DLGAP4: variants seen among roughly 807,000 people sequenced by gnomAD.
DLGAP4 encodes the protein disks large-associated protein 4.
In DLGAP4, 18 loss-of-function variants were observed where a neutral mutation model predicts 86.9. That is an observed-to-expected ratio of 0.21 (90% CI 0.14 to 0.31). The LOEUF is 0.31. Among genes scored for constraint, DLGAP4 ranks in the 10% least tolerant of loss-of-function variants. The probability of loss-of-function intolerance (pLI) is 1.00; values close to 1 mark genes in which losing one functional copy is unlikely to be tolerated. For synonymous variants in DLGAP4, 548 were observed against 574.3 expected (o/e 0.95, Z 0.65); for missense variants, 1,085 against 1,362.6 (o/e 0.80, Z 3.21).
chr20:36,460,850 G>T (rs966749915), intron 7 of DLGAP4, among the ~76,000 whole-genome samples: 2 of 152,230 alleles, frequency 1.3e-5, no homozygotes, highest in African/African-American at 4.8e-5. Context: ...GAAGGCTCAG[G>T]GAAGTTGAAT....
intron 1 of DLGAP4, among the ~76,000 whole-genome samples, chr20:36,357,098 A>G (rs549395930): frequency 3.1e-4 from 47 of 152,252 alleles, no homozygotes; most frequent in African/African-American, 1.1e-3. Flanking sequence ...CATTGCTCCC[A>G]GGGTAAAGGC....
intron 8 of DLGAP4, chr20:36,499,043 C>T: frequency 1.8e-6 from 1 of 568,042 alleles, no homozygotes; most frequent in East Asian, 3.0e-5. Flanking sequence ...TCTAGAACTG[C>T]CGTCCAGGGT....
intron 10 of DLGAP4, among the ~76,000 whole-genome samples, chr20:36,507,409 G>A (rs995227804): frequency 6.6e-6 from 1 of 152,008 alleles, no homozygotes; most frequent in African/African-American, 2.4e-5. Flanking sequence ...TGTATTTTTA[G>A]TAGAGACAGG....
At chr20:36,310,177 AAAAAAAGAAAGAAAGAAAGAAAGAAAG>A (rs1263349280) in intron 1 of DLGAP4, among the ~76,000 whole-genome samples, 1 of 103,724 alleles carries the variant, frequency 9.6e-6, no homozygotes, top group East Asian at 2.3e-4. Flanking sequence ...CTACAAAAAA[AAAAAAAGAAAGAAAGAAAGAAAGAAAG>A]AAAGAAAGAA....
chr20:36,418,333 G>C (rs910531328), intron 2 of DLGAP4, among the ~76,000 whole-genome samples: 1 of 144,382 alleles, frequency 6.9e-6, no homozygotes, highest in Non-Finnish European at 1.5e-5. Context: ...GGCTAGTCTC[G>C]AATTCCTGAC....
At chr20:36,452,519 T>TC (rs1283555971) in intron 7 of DLGAP4, among the ~76,000 whole-genome samples, 1 of 144,150 alleles carries the variant, frequency 6.9e-6, no homozygotes, top group Non-Finnish European at 1.5e-5. Flanking sequence ...TTGTAAATCT[T>TC]TTTTTTTTTT....
At chr20:36,486,388 C>T (rs1166404354) in intron 7 of DLGAP4, among the ~76,000 whole-genome samples, 1 of 152,158 alleles carries the variant, frequency 6.6e-6, no homozygotes, top group Non-Finnish European at 1.5e-5. Context: ...GCTACTTGAG[C>T]TGGACCTAAA....
chr20:36,397,985 G>A (rs1283987185), intron 2 of DLGAP4, among the ~76,000 whole-genome samples: 2 of 152,330 alleles, frequency 1.3e-5, no homozygotes, highest in Admixed American at 6.5e-5. Flanking sequence ...GCCAGATGTG[G>A]TGGCGGGCGC....
In DLGAP4 at chr20:36,306,778, G is replaced by A. The variant is rs2065006849; in HGVS notation, c.-304+266G>A. 6.6e-6 allele frequency among the ~76,000 whole-genome samples: 1 copy of A among 152,144 alleles called. No homozygotes were observed. The highest frequency in any genetic ancestry group is 6.5e-5 in the Admixed American group (1 of 15,290). On this transcript the variant is annotated intron_variant, in intron 1 of 12. Transcript: ENST00000339266. This position sits in a 1 kb window ranked among gnomAD's most constrained non-coding sequence, Gnocchi z 4.9. ...CCCGGACCCTCAAATCGGGGGCGGC[G>A]GCACCGGGGCCCGGAACCCCTGTCC... is the stretch of plus-strand genomic sequence containing the variant.
At chr20:36,512,435 T>C (rs1335992629) in intron 10 of DLGAP4, among the ~76,000 whole-genome samples, 1 of 152,202 alleles carries the variant, frequency 6.6e-6, no homozygotes, top group Non-Finnish European at 1.5e-5. Flanking sequence ...TCCATATCTC[T>C]ACCTTGTCCT....
intron 1 of DLGAP4, among the ~76,000 whole-genome samples, chr20:36,331,531 G>C (rs1555891556): frequency 6.6e-6 from 1 of 152,228 alleles, no homozygotes; most frequent in Non-Finnish European, 1.5e-5. Flanking sequence ...CCCAGCCTCA[G>C]CCTGGACTCA....
At chr20:36,367,869 T>A (rs1399100670) in intron 2 of DLGAP4, among the ~76,000 whole-genome samples, 1 of 152,314 alleles carries the variant, frequency 6.6e-6, no homozygotes, top group Non-Finnish European at 1.5e-5. Flanking sequence ...GCTGCTTGCA[T>A]CTTTTCTTCA....
chr20:36,461,671 C>CG, intron 7 of DLGAP4: 1 of 180,478 alleles, frequency 5.5e-6, no homozygotes, highest in Non-Finnish European at 9.6e-6. Flanking sequence ...CCGCCCGGCC[C>CG]GGCCCGGCCC....
chr20:36,415,007 T>C, intron 2 of DLGAP4, among the ~76,000 whole-genome samples: 1 of 152,164 alleles, frequency 6.6e-6, no homozygotes, highest in Non-Finnish European at 1.5e-5. Flanking sequence ...GGCTCATTCC[T>C]GTAATACCAG....
intron 1 of DLGAP4, among the ~76,000 whole-genome samples, chr20:36,358,041 G>A (rs1279027436): frequency 6.6e-6 from 1 of 152,194 alleles, no homozygotes; most frequent in Non-Finnish European, 1.5e-5. Flanking sequence ...CACTGGACAG[G>A]GAGTCCGAGC....
At chr20:36,517,730 G>T (rs2037128444) in intron 10 of DLGAP4, among the ~76,000 whole-genome samples, 1 of 152,214 alleles carries the variant, frequency 6.6e-6, no homozygotes, top group East Asian at 1.9e-4. Context: ...TGCATTCTCA[G>T]AATAAACCCA....
chr20:36,470,472 A>T (rs2034610871), intron 7 of DLGAP4, among the ~76,000 whole-genome samples: 1 of 152,002 alleles, frequency 6.6e-6, no homozygotes, highest in African/African-American at 2.4e-5. Flanking sequence ...AGGAAGAGGC[A>T]TCTCTGGATA....
At chr20:36,520,044 C>T (rs1160218965) in intron 10 of DLGAP4, among the ~76,000 whole-genome samples, 1 of 151,936 alleles carries the variant, frequency 6.6e-6, no homozygotes, top group East Asian at 1.9e-4. Context: ...GGTACTCCAC[C>T]TCGGCCTCCT....
At chr20:36,506,995 C>T (rs1197289873) in intron 10 of DLGAP4, among the ~76,000 whole-genome samples, 1 of 152,208 alleles carries the variant, frequency 6.6e-6, no homozygotes, top group East Asian at 1.9e-4. Flanking sequence ...TCACAATTCC[C>T]TCCCTTGTTA....
Sources: gnomAD v4.1 joint callset for allele counts (sites outside exome capture counted in the v4.1 genomes callset) on GRCh38, gnomAD v4.1.1 for gene constraint, Gnocchi (gnomAD v3.1) non-coding constraint, MANE v1.5 for transcripts, NCBI Gene and HGNC (gene_info 2026-07-23, HGNC 2026-07-21) for gene names.